TRIM22: variants seen among roughly 807,000 people sequenced by gnomAD.
TRIM22 encodes tripartite motif containing 22.
TRIM22 carries 45 observed loss-of-function variants against 53.6 expected under a neutral mutation model. The observed-to-expected ratio is 0.84, with a 90% confidence interval of 0.66 to 1.08. The LOEUF (loss-of-function observed/expected upper bound fraction) is 1.08, where lower values mean the gene tolerates loss of function less well. TRIM22 is among the 50% of genes least tolerant of loss of function. The pLI, the probability that TRIM22 is intolerant of heterozygous loss-of-function variation, is 0.00. For missense variants in TRIM22, 616 were observed against 590.9 expected, an observed-to-expected ratio of 1.04 and a Z score of -0.44; for synonymous variants, 225 against 216.6, an observed-to-expected ratio of 1.04 and a Z score of -0.34.
intron 4 of TRIM22, among the ~76,000 whole-genome samples, chr11:5,704,339 A>G (rs1212464535): frequency 6.6e-6 from 1 of 151,056 alleles, no homozygotes; most frequent in Non-Finnish European, 1.5e-5. Flanking sequence ...CTTTTTCTTG[A>G]TTTTAGGAGG....
At chr11:5,706,717 C>A (rs1853462022) in intron 5 of TRIM22, 101 bp downstream of exon 5, 1 of 1,245,462 alleles carries the variant, frequency 8.0e-7, no homozygotes, top group Non-Finnish European at 1.1e-6. Flanking sequence ...AATCAAAAGG[C>A]TGGGAAATTT....
chr11:5,707,411 C>T (rs1207193026), intron 5 of TRIM22, among the ~76,000 whole-genome samples: 1 of 152,156 alleles, frequency 6.6e-6, no homozygotes, highest in Non-Finnish European at 1.5e-5. Context: ...TAATGACCAC[C>T]TGTCTAGGAA....
chr11:5,709,653 T>G lies in TRIM22; in HGVS notation c.*5T>G, dbSNP rs368062511. 1.9e-6 allele frequency: 3 copies of G among 1,598,182 alleles called. No homozygotes were observed. Among genetic ancestry groups the G allele is most frequent in the Admixed American group, 1.7e-5 (1 of 59,884 alleles). ...GTGTGCCCACCGAGCTCCTGAGTGT[T>G]CTCATTCCTTTACCCACTTCTGCAT... On this transcript the variant is annotated 3_prime_UTR_variant, in exon 8 of 8. Transcript: ENST00000379965.
chr11:5,710,288 G>T lies in TRIM22; in HGVS notation c.*640G>T, dbSNP rs973339152. On this transcript the variant is annotated 3_prime_UTR_variant, in exon 8 of 8. Transcript: ENST00000379965. ...TATTATTTTTTTTATATTTGCAAAG[G>T]AAACATATCTAATCCTTCCTATAGA... The T allele has an allele frequency of 5.9e-5, 9 of 152,056 alleles. No homozygotes were observed. The highest frequency in any genetic ancestry group is 2.2e-4 in the African/African-American group (9 of 41,374). 9.4% of individuals were successfully genotyped at this position (152,056 alleles called of 1,614,324 possible).
chr11:5,702,722 C>T (rs1853392790), intron 4 of TRIM22, among the ~76,000 whole-genome samples: 1 of 152,028 alleles, frequency 6.6e-6, no homozygotes, highest in South Asian at 2.1e-4. Flanking sequence ...AGTTGAGAAT[C>T]AGAAAAACAA....
intron 3 of TRIM22, chr11:5,697,758 T>C (rs926841116): frequency 2.1e-4 from 36 of 172,748 alleles, no homozygotes; most frequent in African/African-American, 8.4e-4. Context: ...GGCTGGAGTG[T>C]AGTGGCGCGA....
chr11:5,690,790 C>A (rs1228166055), intron 1 of TRIM22, among the ~76,000 whole-genome samples: 2 of 152,190 alleles, frequency 1.3e-5, no homozygotes, highest in Non-Finnish European at 2.9e-5. Flanking sequence ...GAAGCCTGTG[C>A]AATGAAGCTT....
At chr11:5,692,876 C>CTTTTTTTTTTTTTTTTTTTTTTTTTTTT (rs376485434) in intron 1 of TRIM22, among the ~76,000 whole-genome samples, 1 of 132,918 alleles carries the variant, frequency 7.5e-6, no homozygotes, top group Non-Finnish European at 1.6e-5. Context: ...TTAATTTAAT[C>CTTTTTTTTTTTTTTTTTTTTTTTTTTTT]TTTTTTTTTT....
chr11:5,696,638 G>A lies in TRIM22; in HGVS notation c.406G>A (p.Val136Met). The A allele has an allele frequency of 1.9e-6, 3 of 1,610,882 alleles. No homozygotes were observed. Among genetic ancestry groups the A allele is most frequent in the Non-Finnish European group, 1.7e-6 (2 of 1,179,598 alleles). The change falls in exon 2 of 8, where the codon GTG (valine) becomes ATG (methionine). Residue 136 changes from valine (V) to methionine (M), a missense_variant. Physicochemically the swap from Val to Met is conservative, Grantham distance 21 (BLOSUM62 1). Transcript: ENST00000379965. ...TCACCAAACATTCCGCATAAACGAG[G>A]TGGTCAAGGAATGTCAGGTAGGCTC... ...QGHQTFRINEVVKECQEKLQV... is the reference protein window; with the variant it reads ...QGHQTFRINEMVKECQEKLQV...
In TRIM22 at chr11:5,709,515, C is replaced by G. The variant is rs61735328; in HGVS notation, c.1364C>G (p.Ser455Ter). Residue 455 changes from serine (S) to a stop codon, truncating the protein, a stop_gained, in exon 8 of 8, where the codon TCA becomes TGA. Transcript: ENST00000379965. LOFTEE classifies it high-confidence loss of function. ...VFLDYEAGIV[S>*]FFNVTNHGAL... ...CTAGACTATGAGGCAGGCATTGTCT[C>G]ATTTTTCAATGTCACAAACCACGGA... is the stretch of plus-strand genomic sequence containing the variant. 1 of 1,614,172 alleles carries G rather than the reference C, an allele frequency of 6.2e-7. No homozygotes were observed. The highest frequency in any genetic ancestry group is 2.2e-5 in the East Asian group (1 of 44,876).
chr11:5,702,290 TATATAA>T (rs998078192), intron 4 of TRIM22, among the ~76,000 whole-genome samples: 13 of 145,582 alleles, frequency 8.9e-5, no homozygotes, highest in Non-Finnish European at 1.5e-4. Context: ...TAAAGGTATA[TATATAA>T]ATATAACTAA....
intron 4 of TRIM22, among the ~76,000 whole-genome samples, chr11:5,704,890 T>C (rs931328993): frequency 3.3e-5 from 5 of 152,172 alleles, no homozygotes; most frequent in African/African-American, 1.2e-4. Context: ...GGTGAAGAGG[T>C]GGCAGAGAGC....
Position 5,709,270 on chromosome 11 carries a change from T to TA in TRIM22, c.1123dup (p.Ile375AsnfsTer3). 1 of 1,614,126 alleles carries TA rather than the reference T, an allele frequency of 6.2e-7. No individual in the cohort carries two copies. Among genetic ancestry groups the TA allele is most frequent in the Non-Finnish European group, 8.5e-7 (1 of 1,180,010 alleles). ...TTGCCTGGATCCTGGGCGTACACAG[T>TA]AAAATAAGTAGTCTGAATAAAAGGA... is the stretch of plus-strand genomic sequence containing the variant. On this transcript the variant is annotated frameshift_variant, in exon 8 of 8. Coordinates refer to ENST00000379965, the MANE Select transcript of TRIM22 (RefSeq NM_006074.5). LOFTEE classifies it high-confidence loss of function.
rs1432337044 is a variant in TRIM22, at chr11:5,696,246, T to C, written c.14T>C (p.Val5Ala). Residue 5 changes from valine to alanine, a missense_variant, in exon 2 of 8, where the codon GTA becomes GCA. Transcript: ENST00000379965. Reference sequence around the variant, plus strand: ...GGGAGCAGTGCAATGGATTTCTCAGTAAAGGTAGACATAGAGAAGGAGGTG... The same window carrying C: ...GGGAGCAGTGCAATGGATTTCTCAGCAAAGGTAGACATAGAGAAGGAGGTG... Reference protein sequence around the residue: MDFSVKVDIEKEVTC... With the variant: MDFSAKVDIEKEVTC... 3 of 1,609,702 alleles carry C rather than the reference T, an allele frequency of 1.9e-6. No individual in the cohort carries two copies. Among genetic ancestry groups the C allele is most frequent in the Non-Finnish European group, 2.5e-6 (3 of 1,177,806 alleles).
At position 5,698,371 on chromosome 11, in the gene TRIM22, C is replaced by T; in HGVS notation, c.576C>T (p.Val192=). 6.2e-7 allele frequency: 1 copy of T among 1,614,154 alleles called. No individual in the cohort carries two copies. Among genetic ancestry groups the T allele is most frequent in the South Asian group, 1.1e-5 (1 of 91,060 alleles). The stretch of plus-strand genomic sequence containing the variant: ...TGAAAGGGTTCAATGAAATGAGAGT[C>T]ATCTTGGACAATGAGGAGCAGAGAG... ...KILKGFNEMR[V]ILDNEEQREL... The change falls in exon 4 of 8, where the codon GTC becomes GTT. Residue 192 remains valine (V), a synonymous_variant. Transcript: ENST00000379965.
rs1316296207 is a variant in TRIM22 at position 5,706,586 on chromosome 11, T to C, written c.751-8T>C. ...TATCTTGACTCATGTTTTCTATCTT[T>C]TCCCCAGGATGTGATTGACGTCATG... On this transcript the variant is annotated splice_region_variant and splice_polypyrimidine_tract_variant and intron_variant, in intron 4 of 7. Coordinates refer to ENST00000379965, the MANE Select transcript of TRIM22 (RefSeq NM_006074.5). The C allele has an allele frequency of 6.2e-7, 1 of 1,612,358 alleles. No homozygotes were observed. Among genetic ancestry groups the C allele is most frequent in the Non-Finnish European group, 8.5e-7 (1 of 1,178,944 alleles).
intron 1 of TRIM22, among the ~76,000 whole-genome samples, chr11:5,693,473 C>T (rs971528696): frequency 4.6e-5 from 7 of 151,786 alleles, no homozygotes; most frequent in Admixed American, 6.6e-5. Flanking sequence ...GTAATCCCAG[C>T]ACTTTGGGAG....
chr11:5,708,646 G>T (rs746676056), intron 7 of TRIM22, 43 bp downstream of exon 7: 47 of 1,575,944 alleles, frequency 3.0e-5, no homozygotes, highest in Non-Finnish European at 2.6e-6. Context: ...TTTCAGAATT[G>T]TGGTTACTAT....
At chr11:5,705,944 CCAGA>C (rs1038722507) in intron 4 of TRIM22, among the ~76,000 whole-genome samples, 8 of 152,092 alleles carry the variant, frequency 5.3e-5, no homozygotes, top group African/African-American at 1.7e-4. Flanking sequence ...TACATGGAGG[CCAGA>C]CAAACTTTTA....
Sources: gnomAD v4.1 joint callset for allele counts (sites outside exome capture counted in the v4.1 genomes callset) on GRCh38, gnomAD v4.1.1 for gene constraint, MANE v1.5 for transcripts, NCBI Gene and HGNC (gene_info 2026-07-23, HGNC 2026-07-21) for gene names.